The following E2F3 variants were observed in gnomAD, a reference collection of about 807,000 sequenced individuals.
E2F3 encodes the protein E2F transcription factor 3.
In E2F3, 11 loss-of-function variants were observed where a neutral mutation model predicts 44.4. The observed-to-expected ratio is 0.25, with a 90% CI of 0.16 to 0.41. The LOEUF is 0.41. E2F3 is among the 10% of genes least tolerant of loss of function. The pLI is 1.00. For missense variants in E2F3, 487 were observed against 583.6 expected, an observed-to-expected ratio of 0.83 and a Z score of 1.70; for synonymous variants, 249 against 253.0, an observed-to-expected ratio of 0.98 and a Z score of 0.15.
At chr6:20,403,700 TCCCCACCC>T (rs1759388912) in intron 1 of E2F3, 4 of 559,294 alleles carry the variant, frequency 7.2e-6, no homozygotes, top group Non-Finnish European at 9.2e-6. Flanking sequence ...CCCTCTCCTC[TCCCCACCC>T]CCCCACCGGC....
intron 1 of E2F3, among the ~76,000 whole-genome samples, chr6:20,438,250 ACAT>A (rs1760658634): frequency 6.6e-6 from 1 of 152,228 alleles, no homozygotes; most frequent in African/African-American, 2.4e-5. Flanking sequence ...TGCTATATAA[ACAT>A]AAGGGTGTTA....
chr6:20,437,979 A>T (rs1418131391), intron 1 of E2F3: 1 of 152,234 alleles, frequency 6.6e-6, no homozygotes, highest in Non-Finnish European at 1.5e-5. Context: ...TGTGATGGCG[A>T]ATACCACAGA....
At chr6:20,440,602 G>A (rs143317530) in intron 1 of E2F3, among the ~76,000 whole-genome samples, 4 of 152,148 alleles carry the variant, frequency 2.6e-5, no homozygotes, top group Non-Finnish European at 5.9e-5. Flanking sequence ...GATTTGGTCC[G>A]CTCTCTGCAA....
intron 1 of E2F3, among the ~76,000 whole-genome samples, chr6:20,459,576 G>T (rs1761431545): frequency 6.6e-6 from 1 of 152,108 alleles, no homozygotes; most frequent in Non-Finnish European, 1.5e-5. Context: ...TTAAAGGTTT[G>T]TTAGAGGATC....
At chr6:20,415,128 G>A (rs550177852) in intron 1 of E2F3, among the ~76,000 whole-genome samples, 15 of 152,284 alleles carry the variant, frequency 9.9e-5, no homozygotes, top group African/African-American at 2.6e-4. Flanking sequence ...CTGAACACCC[G>A]CTTTTGTGCA....
rs1760407235 is a variant in E2F3 at position 20,431,714 on chromosome 6, A to G, written c.393+29089A>G. ...CACCCACCTCACTCTCCCTCCTCCT[A>G]GGATCACTTCCCAATAAACTACCTG... is the stretch of plus-strand genomic sequence containing the variant. On this transcript the variant is annotated intron_variant, in intron 1 of 6. Transcript: ENST00000346618. 3.9e-5 allele frequency among the ~76,000 whole-genome samples: 6 copies of G among 152,078 alleles called. No individual in the cohort carries two copies. In the South Asian group the frequency reaches 1.2e-3, roughly 31 times the overall value.
chr6:20,436,646 G>A (rs566474977), intron 1 of E2F3, among the ~76,000 whole-genome samples: 5 of 152,248 alleles, frequency 3.3e-5, no homozygotes, highest in African/African-American at 4.8e-5. Flanking sequence ...GCTTTCCCAC[G>A]TTAGCAGTCC....
chr6:20,418,284 C>A (rs1237286145), intron 1 of E2F3, among the ~76,000 whole-genome samples: 2 of 152,210 alleles, frequency 1.3e-5, no homozygotes, highest in South Asian at 4.1e-4. Flanking sequence ...TCAGATGGAA[C>A]TAGAGATGCA....
rs143140215 is a variant in E2F3, at chr6:20,481,041, A to T, written c.506-165A>T. 7.9e-4 allele frequency among the ~76,000 whole-genome samples: 121 copies of T among 152,294 alleles called. 1 individual carries two copies. In the East Asian group the frequency reaches 0.018, roughly 22 times the overall value. The stretch of plus-strand genomic sequence containing the variant: ...CTTCCTGCTCTAATAAAAAACTTTC[A>T]TAGCTTTCTATGACTTGCCAACACC... On this transcript the variant is annotated intron_variant, in intron 2 of 6. Coordinates refer to ENST00000346618, the MANE Select transcript of E2F3 (RefSeq NM_001949.5).
At chr6:20,477,161 G>A (rs143138783) in intron 1 of E2F3, among the ~76,000 whole-genome samples, 1 of 151,822 alleles carries the variant, frequency 6.6e-6, no homozygotes, top group East Asian at 1.9e-4. Context: ...TTTTAGTGAT[G>A]GGGGGTCTTG....
chr6:20,435,069 T>C (rs1162877354), intron 1 of E2F3, among the ~76,000 whole-genome samples: 1 of 152,158 alleles, frequency 6.6e-6, no homozygotes, highest in Admixed American at 6.5e-5. Flanking sequence ...TGCTGGATTA[T>C]TTAAGAATAT....
At chr6:20,452,521 G>T (rs544720810) in intron 1 of E2F3, 1 of 152,276 alleles carries the variant, frequency 6.6e-6, no homozygotes, top group East Asian at 1.9e-4. Flanking sequence ...AATTAGGGCT[G>T]CACCAATAGA....
At chr6:20,439,448 T>G (rs750345050) in intron 1 of E2F3, among the ~76,000 whole-genome samples, 2 of 152,216 alleles carry the variant, frequency 1.3e-5, no homozygotes, top group Non-Finnish European at 2.9e-5. Flanking sequence ...ATTTCTCCAT[T>G]AGATCTGATT....
chr6:20,443,174 G>A (rs1026248631), intron 1 of E2F3, among the ~76,000 whole-genome samples: 8 of 152,088 alleles, frequency 5.3e-5, no homozygotes, highest in South Asian at 4.2e-4. Context: ...TCCTGTCTTC[G>A]TGTCTGTGGA....
At chr6:20,459,247 G>C (rs1761416832) in intron 1 of E2F3, among the ~76,000 whole-genome samples, 1 of 152,220 alleles carries the variant, frequency 6.6e-6, no homozygotes, top group South Asian at 2.1e-4. Flanking sequence ...ACTCCAGCCT[G>C]GGTGACAGAG....
At chr6:20,427,492 A>G (rs1044667410) in intron 1 of E2F3, among the ~76,000 whole-genome samples, 1 of 152,104 alleles carries the variant, frequency 6.6e-6, no homozygotes, top group African/African-American at 2.4e-5. Flanking sequence ...GGTGGGATCA[A>G]TTCTTTTCAC....
chr6:20,490,596 A>C lies in E2F3; in HGVS notation c.*166A>C. On this transcript the variant is annotated 3_prime_UTR_variant, in exon 7 of 7. Transcript: ENST00000346618. The surrounding 1 kb of genome is among the most constrained non-coding windows in gnomAD (Gnocchi z 4.3). Reference sequence around the variant, plus strand: ...TGACATTTTAATGAATTTTTTAAAAAATTAATAAACAAATTGTCTAAACGC... The same window carrying C: ...TGACATTTTAATGAATTTTTTAAAACATTAATAAACAAATTGTCTAAACGC... 1 of 734,076 alleles carries C rather than the reference A, an allele frequency of 1.4e-6. No individual in the cohort carries two copies. The highest frequency in any genetic ancestry group is 2.0e-6 in the Non-Finnish European group (1 of 506,270). The allele number at this position is 734,076 out of a possible 1,614,324, so 45.5% of individuals were successfully genotyped here.
Position 20,479,925 on chromosome 6 carries a change from G to C in E2F3, c.473G>C (p.Arg158Thr). Reference protein sequence around the residue: ...DGLKTPKGKGRAALRSPDSPK... With the variant: ...DGLKTPKGKGTAALRSPDSPK... ...TTAAAAACCCCCAAGGGCAAAGGAA[G>C]AGCTGCACTACGAAGTCCAGATAGT... The change falls in exon 2 of 7, where the codon AGA becomes ACA. Residue 158 changes from arginine to threonine, a missense_variant. Arg to Thr is a moderately conservative substitution (Grantham distance 71). This residue lies in a region of E2F3 where 238 missense variants were observed against 236.0 expected (regional missense o/e 1.01). Transcript: ENST00000346618. 6.2e-7 allele frequency: 1 copy of C among 1,612,360 alleles called. No homozygotes were observed. Among genetic ancestry groups the C allele is most frequent in the East Asian group, 2.2e-5 (1 of 44,870 alleles).
At chr6:20,408,958 A>G (rs1235981456) in intron 1 of E2F3, among the ~76,000 whole-genome samples, 1 of 152,212 alleles carries the variant, frequency 6.6e-6, no homozygotes, top group African/African-American at 2.4e-5. Context: ...AGTGTAAGGC[A>G]CAAGAGTCCT....
Sources: allele counts gnomAD v4.1 joint callset (sites outside exome capture counted in the v4.1 genomes callset), GRCh38; gene constraint gnomAD v4.1.1; regional missense constraint gnomAD v4.1.1; non-coding constraint Gnocchi (gnomAD v3.1); transcripts MANE v1.5; gene names NCBI Gene and HGNC (gene_info 2026-07-23, HGNC 2026-07-21).